Variants in THSD7A observed in about 807,000 individuals in gnomAD.
THSD7A encodes the protein thrombospondin type 1 domain containing 7A, also known as thrombospondin type-1 domain-containing protein 7A.
Under a neutral mutation model 231.3 loss-of-function variants are expected in THSD7A, and 96 were observed. The observed-to-expected ratio is 0.41, with a 90% CI of 0.35 to 0.49. The LOEUF (loss-of-function observed/expected upper bound fraction) is 0.49. Among genes scored for constraint, THSD7A ranks in the 20% least tolerant of loss-of-function variants. The pLI, the probability that THSD7A is intolerant of heterozygous loss-of-function variation, is 0.05. For synonymous variants in THSD7A, 940 were observed against 743.3 expected, an observed-to-expected ratio of 1.26 and a Z score of -4.30; for missense variants, 2,290 against 2,070.2, an observed-to-expected ratio of 1.11 and a Z score of -2.06.
chr7:11,754,323 AG>A (rs1782605986), intron 1 of THSD7A, among the ~76,000 whole-genome samples: 2 of 152,026 alleles, frequency 1.3e-5, no homozygotes, highest in African/African-American at 4.8e-5. Flanking sequence ...GATTGTACAA[AG>A]TTCTTGGGTT....
chr7:11,818,795 A>G (rs1342877330), intron 1 of THSD7A, among the ~76,000 whole-genome samples: 2 of 152,176 alleles, frequency 1.3e-5, no homozygotes, highest in Non-Finnish European at 2.9e-5. Flanking sequence ...GATATCATTC[A>G]TCACGCCCAG....
intron 23 of THSD7A, among the ~76,000 whole-genome samples, chr7:11,398,367 C>T (rs1046829747): frequency 9.9e-5 from 15 of 151,906 alleles, no homozygotes; most frequent in Non-Finnish European, 2.2e-4. Context: ...AGGGGAACAT[C>T]ACACACTGGG....
At chr7:11,776,450 C>A (rs192024403) in intron 1 of THSD7A, among the ~76,000 whole-genome samples, 1 of 152,284 alleles carries the variant, frequency 6.6e-6, no homozygotes, top group Admixed American at 6.5e-5. Context: ...AAAAGCCCTA[C>A]CCTTATTATC....
intron 6 of THSD7A, among the ~76,000 whole-genome samples, chr7:11,513,325 T>C (rs532264843): frequency 7.1e-6 from 1 of 140,326 alleles, no homozygotes; most frequent in Admixed American, 7.3e-5. Flanking sequence ...AATAAAATAA[T>C]AAAAAATAAA....
chr7:11,717,850 A>G (rs1028960100), intron 1 of THSD7A, among the ~76,000 whole-genome samples: 1 of 151,624 alleles, frequency 6.6e-6, no homozygotes, highest in Admixed American at 6.6e-5. Flanking sequence ...CAATGATCCA[A>G]GATATATCTC....
At chr7:11,508,794 C>T (rs995154378) in intron 6 of THSD7A, among the ~76,000 whole-genome samples, 1 of 152,208 alleles carries the variant, frequency 6.6e-6, no homozygotes, top group Non-Finnish European at 1.5e-5. Context: ...TATGCAATAA[C>T]ATGGATTAAT....
chr7:11,685,938 T>C (rs1465099355), intron 1 of THSD7A, among the ~76,000 whole-genome samples: 2 of 151,938 alleles, frequency 1.3e-5, no homozygotes, highest in Admixed American at 6.6e-5. Flanking sequence ...CACATAAGTA[T>C]TCACAATAGC....
chr7:11,699,172 C>T (rs1471851674), intron 1 of THSD7A, among the ~76,000 whole-genome samples: 1 of 151,058 alleles, frequency 6.6e-6, no homozygotes, highest in Non-Finnish European at 1.5e-5. Flanking sequence ...GGAATTTCAG[C>T]TTCAATTTAA....
At chr7:11,670,579 A>C (rs1047890033) in intron 1 of THSD7A, among the ~76,000 whole-genome samples, 18 of 152,198 alleles carry the variant, frequency 1.2e-4, no homozygotes, top group Non-Finnish European at 1.2e-4. Flanking sequence ...CTACTGTATT[A>C]ACTTAGCCCT....
chr7:11,780,826 C>T (rs1175591971), intron 1 of THSD7A, among the ~76,000 whole-genome samples: 14 of 151,588 alleles, frequency 9.2e-5, no homozygotes, highest in African/African-American at 2.4e-4. Flanking sequence ...CCCGTCTCTA[C>T]TAAAAATACA....
In THSD7A at chr7:11,720,269, C is replaced by T. The variant is rs958642519; in HGVS notation, c.191-83308G>A. 4.6e-5 allele frequency among the ~76,000 whole-genome samples: 7 copies of T among 151,914 alleles called. No homozygotes were observed. The East Asian group carries it at 9.8e-4, about 21-fold the overall frequency. On this transcript the variant is annotated intron_variant, in intron 1 of 27. Transcript: ENST00000423059. ...CCTGAACTTTATCCTCAGTATCTAGCTTCATCTCACAACACAAAAAGTAAA... is the reference window on the plus strand; with the variant it reads ...CCTGAACTTTATCCTCAGTATCTAGTTTCATCTCACAACACAAAAAGTAAA...
chr7:11,772,075 T>C (rs766436701), intron 1 of THSD7A, among the ~76,000 whole-genome samples: 19 of 152,148 alleles, frequency 1.2e-4, no homozygotes, highest in Non-Finnish European at 2.1e-4. Flanking sequence ...CTTTATAAAT[T>C]ACCCAGTCTT....
intron 2 of THSD7A, among the ~76,000 whole-genome samples, chr7:11,621,205 TCA>T (rs1781298115): frequency 6.6e-6 from 1 of 152,222 alleles, no homozygotes; most frequent in East Asian, 1.9e-4. Context: ...CATGACGATT[TCA>T]CAGTGTTTCC....
intron 23 of THSD7A, among the ~76,000 whole-genome samples, chr7:11,386,507 G>A (rs964441425): frequency 5.9e-5 from 9 of 152,164 alleles, no homozygotes; most frequent in African/African-American, 9.7e-5. Context: ...GCTGCATAAT[G>A]TCTTCTTTTG....
chr7:11,798,236 G>A lies in THSD7A; in HGVS notation c.190+33521C>T, dbSNP rs192271509. Among the ~76,000 whole-genome samples the A allele has an allele frequency of 2.2e-4, 33 of 152,098 alleles. No homozygotes were observed. The East Asian group carries it at 2.3e-3, about 11-fold the overall frequency. ...AAATAAATACGCAATTTGGGAGGCC[G>A]AGGTGGGAGGATCACTTGAGGTCAA... On this transcript the variant is annotated intron_variant, in intron 1 of 27. Transcript: ENST00000423059.
chr7:11,418,933 T>C (rs757791276), intron 16 of THSD7A, among the ~76,000 whole-genome samples: 1 of 152,154 alleles, frequency 6.6e-6, no homozygotes, highest in Non-Finnish European at 1.5e-5. Flanking sequence ...TGTGAATATT[T>C]TTGGGAGAAT....
At chr7:11,546,403 G>A (rs1789402403) in intron 4 of THSD7A, among the ~76,000 whole-genome samples, 1 of 152,088 alleles carries the variant, frequency 6.6e-6, no homozygotes, top group Non-Finnish European at 1.5e-5. Flanking sequence ...TAACCTTGAG[G>A]GGCCAGAGAA....
intron 1 of THSD7A, among the ~76,000 whole-genome samples, chr7:11,776,325 T>C (rs1220116050): frequency 6.6e-6 from 1 of 152,196 alleles, no homozygotes; most frequent in African/African-American, 2.4e-5. Context: ...CATCTGCATA[T>C]GAAATCAGTC....
chr7:11,636,704 C>T lies in THSD7A; in HGVS notation c.448G>A (p.Glu150Lys), dbSNP rs759622768. The T allele has an allele frequency of 4.3e-6, 7 of 1,613,872 alleles. No individual in the cohort carries two copies. The East Asian group carries it at 6.7e-5, about 15-fold the overall frequency. ...LEKPLECIKG[E>K]EGIQVREIAC... ...ATCTCCCTCACCTGAATACCTTCTT[C>T]CCCCTTAATGCACTCAAGAGGTTTC... The change falls in exon 2 of 28, where the codon GAA (glutamate) becomes AAA (lysine). Residue 150 changes from glutamate to lysine, a missense_variant. Transcript: ENST00000423059. This position sits in a 1 kb window ranked among gnomAD's most constrained non-coding sequence, Gnocchi z 10.0.
Sources: gnomAD v4.1 joint callset for allele counts (sites outside exome capture counted in the v4.1 genomes callset) on GRCh38, gnomAD v4.1.1 for gene constraint, Gnocchi (gnomAD v3.1) non-coding constraint, MANE v1.5 for transcripts, NCBI Gene and HGNC (gene_info 2026-07-23, HGNC 2026-07-21) for gene names.